Variants in SLC23A2 observed in about 807,000 individuals in gnomAD.
SLC23A2 encodes the protein Na(+)/L-ascorbic acid transporter 2.
SLC23A2 carries 36 observed loss-of-function variants against 73.3 expected under a neutral mutation model. That is an observed-to-expected ratio of 0.49 (90% CI 0.38 to 0.65). SLC23A2 has a LOEUF of 0.65. SLC23A2 is among the 30% of genes least tolerant of loss of function. SLC23A2 has a pLI of 0.00. For synonymous variants in SLC23A2, 343 were observed against 327.3 expected, an observed-to-expected ratio of 1.05 and a Z score of -0.52; for missense variants, 507 against 841.6, an observed-to-expected ratio of 0.60 and a Z score of 4.92.
In SLC23A2 at chr20:4,874,035, C is replaced by A; in HGVS notation, c.1003G>T (p.Val335Phe). 1 of 1,614,152 alleles carries A rather than the reference C, an allele frequency of 6.2e-7. No individual in the cohort carries two copies. Among genetic ancestry groups the A allele is most frequent in the Middle Eastern group, 1.6e-4 (1 of 6,062 alleles). ...LLCFIFTVTD[V>F]FPPDSTKYGF... ...TACTTTGTGCTGTCGGGAGGGAAGA[C>A]ATCTGTCACCGTGAAGATGAAGCAG... Residue 335 changes from valine (V) to phenylalanine (F), a missense_variant, in exon 11 of 17, where the codon GTC (valine) becomes TTC (phenylalanine). Physicochemically the swap from Val to Phe is conservative, Grantham distance 50. Transcript: ENST00000338244.
chr20:4,906,860 G>C (rs926195419), intron 4 of SLC23A2, among the ~76,000 whole-genome samples: 1 of 152,086 alleles, frequency 6.6e-6, no homozygotes, highest in Non-Finnish European at 1.5e-5. Flanking sequence ...GAAATTGTTT[G>C]GATGATTTGT....
intron 12 of SLC23A2, among the ~76,000 whole-genome samples, chr20:4,869,397 AGTTT>A (rs1449115761): frequency 6.7e-6 from 1 of 149,008 alleles, no homozygotes; most frequent in African/African-American, 2.5e-5. Context: ...GAAAAATTTC[AGTTT>A]GTGTAAAAAA....
At chr20:4,937,639 A>G (rs760119208) in intron 2 of SLC23A2, among the ~76,000 whole-genome samples, 2 of 152,264 alleles carry the variant, frequency 1.3e-5, no homozygotes, top group Non-Finnish European at 2.9e-5. Context: ...TTGCCAAAGT[A>G]TACACAGCTA....
chr20:5,005,085 C>T (rs1273419699), upstream of SLC23A2, among the ~76,000 whole-genome samples: 3 of 150,890 alleles, frequency 2.0e-5, no homozygotes, highest in Non-Finnish European at 4.4e-5. Flanking sequence ...CCCAGTGTAG[C>T]ATTCAAGGCC....
At chr20:4,965,380 AT>A (rs1263328468) in intron 2 of SLC23A2, among the ~76,000 whole-genome samples, 2 of 152,182 alleles carry the variant, frequency 1.3e-5, no homozygotes, top group Non-Finnish European at 2.9e-5. Flanking sequence ...GGCTGTCTTT[AT>A]CTAACATTAG....
At chr20:4,874,773 G>A (rs1005366228) in intron 9 of SLC23A2, 77 bp from the exon 10 acceptor site, 19 of 1,258,320 alleles carry the variant, frequency 1.5e-5, no homozygotes, top group Admixed American at 7.3e-5. Flanking sequence ...AGCTTCTATG[G>A]CAAAATTGAC....
At position 4,907,446 on chromosome 20, in the gene SLC23A2, C is replaced by T. The variant is rs150153122; in HGVS notation, c.208-4888G>A. Among the ~76,000 whole-genome samples the T allele has an allele frequency of 7.2e-3, 1,094 of 152,076 alleles. 21 individuals are homozygous for T. The highest frequency in any genetic ancestry group is 0.025 in the African/African-American group (1,052 of 41,478). On this transcript the variant is annotated intron_variant, in intron 4 of 16. Coordinates refer to ENST00000338244, the MANE Select transcript of SLC23A2 (RefSeq NM_005116.6). The stretch of plus-strand genomic sequence containing the variant: ...GACTAAAAAAATGAAGGCAAAGAAA[C>T]AGAAAATATAATCAATGTAGTATTT...
chr20:4,925,626 C>T (rs1397698794), intron 3 of SLC23A2, among the ~76,000 whole-genome samples: 1 of 152,066 alleles, frequency 6.6e-6, no homozygotes, highest in African/African-American at 2.4e-5. Context: ...ACCCTTCCTG[C>T]CCCGGCACCC....
intron 13 of SLC23A2, among the ~76,000 whole-genome samples, chr20:4,864,511 A>C (rs1318551175): frequency 1.3e-5 from 2 of 152,092 alleles, no homozygotes; most frequent in African/African-American, 4.8e-5. Context: ...TGACAAATCA[A>C]GCAAAAGCGA....
In SLC23A2 at chr20:4,855,443, T is replaced by C. The variant is rs1441418375; in HGVS notation, c.*1529A>G. On this transcript the variant is annotated 3_prime_UTR_variant, in exon 17 of 17. Coordinates refer to ENST00000338244, the MANE Select transcript of SLC23A2 (RefSeq NM_005116.6). Reference sequence around the variant, plus strand: ...CATGAAGCGAGGGCACTGCTTCCTATCTCAGGCCTTTTCCTTCACTGAAAA... The same window carrying C: ...CATGAAGCGAGGGCACTGCTTCCTACCTCAGGCCTTTTCCTTCACTGAAAA... 6.6e-6 allele frequency: 1 copy of C among 152,214 alleles called. No individual in the cohort carries two copies. Among genetic ancestry groups the C allele is most frequent in the Non-Finnish European group, 1.5e-5 (1 of 68,058 alleles). The allele number at this position is 152,214 out of a possible 1,614,324, so 9.4% of individuals were successfully genotyped here.
rs923163098 is a variant in SLC23A2 at position 4,983,755 on chromosome 20, G to A, written c.-281-12836C>T. ...GCAGATCACCTGAGGTCGGGAGTTC[G>A]AGACCAGCCTGACCAACATGGAGAA... is the stretch of plus-strand genomic sequence containing the variant. On this transcript the variant is annotated intron_variant, in intron 1 of 16. Transcript: ENST00000338244. Among the ~76,000 whole-genome samples, 6 of 151,344 alleles carry A rather than the reference G, an allele frequency of 4.0e-5. 1 individual carries two copies. The highest frequency in any genetic ancestry group is 4.2e-4 in the South Asian group (2 of 4,802).
At chr20:5,008,765 G>GT (rs2088217466) in intron 1 of SLC23A2, among the ~76,000 whole-genome samples, 1 of 151,606 alleles carries the variant, frequency 6.6e-6, no homozygotes, top group African/African-American at 2.4e-5. Flanking sequence ...CTTAAGATGG[G>GT]TATGTTGCCC....
chr20:4,949,242 C>T (rs1235933229), intron 2 of SLC23A2, among the ~76,000 whole-genome samples: 2 of 148,282 alleles, frequency 1.3e-5, no homozygotes, highest in African/African-American at 2.5e-5. Context: ...GAGCCGAGAT[C>T]GCACCATTGC....
At chr20:4,973,214 T>C (rs1041693949) in intron 1 of SLC23A2, among the ~76,000 whole-genome samples, 2 of 152,184 alleles carry the variant, frequency 1.3e-5, no homozygotes, top group African/African-American at 4.8e-5. Flanking sequence ...CGTGTGACCT[T>C]CTCAATTTAC....
rs1392121415 is a variant in SLC23A2 at position 4,853,635 on chromosome 20, A to C, written c.*3337T>G. On this transcript the variant is annotated 3_prime_UTR_variant, in exon 17 of 17. Coordinates refer to ENST00000338244, the MANE Select transcript of SLC23A2 (RefSeq NM_005116.6). ...AGAAATGTTATTTTGCTATATGGAA[A>C]TACTGCAATATTCATGCATAAACCA... 2 of 152,658 alleles carry C rather than the reference A, an allele frequency of 1.3e-5. No individual in the cohort carries two copies. Among genetic ancestry groups the C allele is most frequent in the African/African-American group, 4.8e-5 (2 of 41,448 alleles). The allele number at this position is 152,658 out of a possible 1,614,324, so 9.5% of individuals were successfully genotyped here.
intron 9 of SLC23A2, among the ~76,000 whole-genome samples, chr20:4,882,433 G>A (rs1267303506): frequency 1.3e-5 from 2 of 151,048 alleles, no homozygotes; most frequent in Admixed American, 6.6e-5. Flanking sequence ...TGTGTGAGAT[G>A]TGTCTCCTTC....
intron 1 of SLC23A2, among the ~76,000 whole-genome samples, chr20:4,983,612 C>CCGCAG (rs1555808246): frequency 6.9e-6 from 1 of 145,184 alleles, no homozygotes; most frequent in Non-Finnish European, 1.5e-5. Flanking sequence ...CGCCACTGCA[C>CCGCAG]TCCAGCCTGG....
rs548660550 is a variant in SLC23A2 at position 4,961,604 on chromosome 20, G to T, written c.-155+9189C>A. Among the ~76,000 whole-genome samples, 24 of 152,202 alleles carry T rather than the reference G, an allele frequency of 1.6e-4. No individual in the cohort carries two copies. In the South Asian group the frequency reaches 5.0e-3, roughly 32 times the overall value. ...TAGAGTATTTTATGTGTGGCCCAGG[G>T]AAGCCAAAAGATTGGACACCCTTGA... On this transcript the variant is annotated intron_variant, in intron 2 of 16. Transcript: ENST00000338244.
chr20:4,883,917 G>T lies in SLC23A2; in HGVS notation c.643-94C>A. ...CAACCACAACTGATAATTCTGCAAG[G>T]CAATAAGTTATTACATCATCTAACT... On this transcript the variant is annotated intron_variant, in intron 8 of 16. Coordinates refer to ENST00000338244, the MANE Select transcript of SLC23A2 (RefSeq NM_005116.6). This position sits in a 1 kb window ranked among gnomAD's most constrained non-coding sequence, Gnocchi z 4.5. The T allele has an allele frequency of 1.1e-6, 1 of 927,092 alleles. No individual in the cohort carries two copies. The highest frequency in any genetic ancestry group is 1.8e-5 in the South Asian group (1 of 55,084). 57.4% of individuals were successfully genotyped at this position (927,092 alleles called of 1,614,324 possible). A position where few individuals can be genotyped will look rare whatever the true frequency, so the allele number is the denominator to read the frequency against.
Sources: gnomAD v4.1 joint callset for allele counts (sites outside exome capture counted in the v4.1 genomes callset) on GRCh38, gnomAD v4.1.1 for gene constraint, Gnocchi (gnomAD v3.1) non-coding constraint, MANE v1.5 for transcripts, NCBI Gene and HGNC (gene_info 2026-07-23, HGNC 2026-07-21) for gene names.